The following TMCO5A variants were observed in gnomAD, a reference collection of about 807,000 sequenced individuals.
TMCO5A encodes the protein transmembrane and coiled-coil domain-containing protein 5A.
In TMCO5A, 34 loss-of-function variants were observed where a neutral mutation model predicts 42.3. The observed-to-expected ratio is 0.80, with a 90% CI of 0.61 to 1.07. The LOEUF (loss-of-function observed/expected upper bound fraction) is 1.07, where lower values mean the gene tolerates loss of function less well. TMCO5A is among the 50% of genes least tolerant of loss of function. The probability of loss-of-function intolerance (pLI) is 0.00; values close to 1 mark genes in which losing one functional copy is unlikely to be tolerated. For missense variants in TMCO5A, 357 were observed against 327.9 expected (o/e 1.09, Z -0.69); for synonymous variants, 131 against 115.6 (o/e 1.13, Z -0.86).
At chr15:38,020,704 C>A in the TMCO5A span, among the ~76,000 whole-genome samples, 1 of 152,124 alleles carries the variant, frequency 6.6e-6, no homozygotes, top group Non-Finnish European at 1.5e-5. Flanking sequence ...CAAAGCATCA[C>A]ATTAAACATC....
intron 11 of TMCO5A, among the ~76,000 whole-genome samples, chr15:37,957,995 T>G (rs1293496423): frequency 2.6e-5 from 4 of 152,096 alleles, no homozygotes; most frequent in African/African-American, 9.7e-5. Flanking sequence ...GGGGAAAGGA[T>G]TCCCTATTTA....
the TMCO5A span, among the ~76,000 whole-genome samples, chr15:38,032,939 T>C: frequency 1.3e-5 from 2 of 150,536 alleles, no homozygotes; most frequent in Non-Finnish European, 3.0e-5. Flanking sequence ...TTTTTTTTTT[T>C]TTTTTTGAGA....
the TMCO5A span, among the ~76,000 whole-genome samples, chr15:38,009,137 C>A: frequency 6.6e-6 from 1 of 152,144 alleles, no homozygotes; most frequent in African/African-American, 2.4e-5. Context: ...CTGAACAGAT[C>A]CTAATCTGGA....
chr15:37,996,151 C>A, the TMCO5A span, among the ~76,000 whole-genome samples: 5 of 152,172 alleles, frequency 3.3e-5, no homozygotes, highest in African/African-American at 1.2e-4. Context: ...ATTTTAGCAA[C>A]CCTGGGGCGT....
intron 11 of TMCO5A, among the ~76,000 whole-genome samples, chr15:37,959,362 A>C (rs188403537): frequency 2.0e-5 from 3 of 152,132 alleles, no homozygotes; most frequent in Admixed American, 2.0e-4. Flanking sequence ...CTGTAAGGTC[A>C]ATATTACCCT....
intron 2 of TMCO5A, 63 bp from the exon 3 acceptor site, chr15:37,936,251 G>T (rs903426970): frequency 9.7e-6 from 15 of 1,541,122 alleles, no homozygotes; most frequent in Non-Finnish European, 1.7e-6. Context: ...TACCCTTTTT[G>T]GCCTGATGAT....
At chr15:37,950,097 T>A (rs988607465) in intron 11 of TMCO5A, among the ~76,000 whole-genome samples, 1 of 152,210 alleles carries the variant, frequency 6.6e-6, no homozygotes, top group African/African-American at 2.4e-5. Context: ...AATACCTTTA[T>A]GGTGTAATCT....
At chr15:37,962,659 A>G (rs4008085) in intron 11 of TMCO5A, among the ~76,000 whole-genome samples, 34,210 of 151,952 alleles carry the variant, frequency 0.23, 4,073 homozygotes, top group Admixed American at 0.3. Context: ...CTGTGAATCC[A>G]TCTGGTCCTG....
intron 1 of TMCO5A, among the ~76,000 whole-genome samples, 173 bp from the exon 2 acceptor site, chr15:37,935,084 C>T (rs528079692): frequency 6.6e-6 from 1 of 152,112 alleles, no homozygotes; most frequent in East Asian, 1.9e-4. Flanking sequence ...AATCAGAACA[C>T]GGGCAGAAGA....
rs1273592498 is a variant in TMCO5A at position 37,936,961 on chromosome 15, A to G, written c.255A>G (p.Thr85=). 2 of 1,612,318 alleles carry G rather than the reference A, an allele frequency of 1.2e-6. No homozygotes were observed. Among genetic ancestry groups the G allele is most frequent in the South Asian group, 2.2e-5 (2 of 91,014 alleles). The change falls in exon 4 of 12, where the codon ACA becomes ACG. Residue 85 remains threonine, a synonymous_variant. Transcript: ENST00000319669. ...CCTTGCAGGAGCTGGAGGAAGAAAC[A>G]GCCAGACTTGTAAGCAAGAAGTTGG... is the stretch of plus-strand genomic sequence containing the variant. ...ERALQELEEE[T]ARLERKNKTL...
the TMCO5A span, among the ~76,000 whole-genome samples, chr15:38,036,056 T>A: frequency 6.6e-6 from 1 of 152,186 alleles, no homozygotes; most frequent in East Asian, 1.9e-4. Flanking sequence ...AATACTGGAG[T>A]CAGCCTCACG....
chr15:37,991,993 C>G, the TMCO5A span, among the ~76,000 whole-genome samples: 1 of 152,048 alleles, frequency 6.6e-6, no homozygotes, highest in Non-Finnish European at 1.5e-5. Context: ...GCAGCAAAAG[C>G]AAAACTTGAC....
At chr15:37,966,145 C>T (rs1890549690) in intron 11 of TMCO5A, among the ~76,000 whole-genome samples, 1 of 152,108 alleles carries the variant, frequency 6.6e-6, no homozygotes, top group Non-Finnish European at 1.5e-5. Flanking sequence ...ATTACCCATG[C>T]ACAGAAAGAC....
intron 10 of TMCO5A, 67 bp downstream of exon 10, chr15:37,943,465 C>G (rs1889825772): frequency 1.3e-6 from 2 of 1,505,022 alleles, no homozygotes; most frequent in Non-Finnish European, 1.8e-6. Flanking sequence ...CTCCAGCAAA[C>G]TATAAGGCAC....
rs142233330 is a variant in TMCO5A, at chr15:37,957,026, G to A, written c.668+9330G>A. Reference sequence around the variant, plus strand: ...CTCAACAGATGCAGAAAAGGTTTTCGACAAAATTCAACAGCCCTTCATGCT... The same window carrying A: ...CTCAACAGATGCAGAAAAGGTTTTCAACAAAATTCAACAGCCCTTCATGCT... On this transcript the variant is annotated intron_variant, in intron 11 of 11. Transcript: ENST00000559502. 8.2e-3 allele frequency among the ~76,000 whole-genome samples: 1,250 copies of A among 152,180 alleles called. 12 individuals are homozygous for A. Among genetic ancestry groups the A allele is most frequent in the Non-Finnish European group, 0.011 (717 of 68,006 alleles).
chr15:38,031,789 C>A, the TMCO5A span, among the ~76,000 whole-genome samples: 2 of 152,116 alleles, frequency 1.3e-5, no homozygotes, highest in Non-Finnish European at 2.9e-5. Context: ...CTGTCTTAAG[C>A]CACTGAGCTC....
chr15:37,945,173 A>T (rs1320317837), intron 10 of TMCO5A, among the ~76,000 whole-genome samples: 2 of 152,106 alleles, frequency 1.3e-5, no homozygotes, highest in Non-Finnish European at 2.9e-5. Flanking sequence ...AATGGCTTCC[A>T]ATACCACCCA....
intron 3 of TMCO5A, among the ~76,000 whole-genome samples, 160 bp downstream of exon 3, chr15:37,936,623 G>A (rs990155199): frequency 1.3e-5 from 2 of 152,144 alleles, no homozygotes; most frequent in Non-Finnish European, 2.9e-5. Context: ...CTGAAGCATA[G>A]CAAGTTTCAA....
the TMCO5A span, among the ~76,000 whole-genome samples, chr15:37,982,096 C>T: frequency 6.6e-6 from 1 of 152,148 alleles, no homozygotes; most frequent in Non-Finnish European, 1.5e-5. Flanking sequence ...TCCAAGATAA[C>T]AGCAAACTTG....
Sources: gnomAD v4.1 joint callset for allele counts (sites outside exome capture counted in the v4.1 genomes callset) on GRCh38, gnomAD v4.1.1 for gene constraint, MANE v1.5 for transcripts, NCBI Gene and HGNC (gene_info 2026-07-23, HGNC 2026-07-21) for gene names.